Variants in PFDN1 observed in about 807,000 individuals in gnomAD.
PFDN1 encodes the protein prefoldin subunit 1.
PFDN1 carries 6 observed loss-of-function variants against 17.3 expected under a neutral mutation model. That is an observed-to-expected ratio of 0.35 (90% CI 0.19 to 0.69). PFDN1 has a LOEUF of 0.69. Among genes scored for constraint, PFDN1 ranks in the 30% least tolerant of loss-of-function variants. The probability of loss-of-function intolerance (pLI) is 0.65; values close to 1 mark genes in which losing one functional copy is unlikely to be tolerated. For synonymous variants in PFDN1, 58 were observed against 50.1 expected, an observed-to-expected ratio of 1.16 and a Z score of -0.67; for missense variants, 113 against 146.2, an observed-to-expected ratio of 0.77 and a Z score of 1.17.
chr5:140,280,703 T>A (rs186053336), intron 3 of PFDN1, among the ~76,000 whole-genome samples: 1 of 152,326 alleles, frequency 6.6e-6, no homozygotes, highest in East Asian at 1.9e-4. Flanking sequence ...ATGAAGTCAA[T>A]GTATCCACCC....
chr5:140,264,460 G>A (rs1765108612), intron 3 of PFDN1, among the ~76,000 whole-genome samples: 1 of 152,166 alleles, frequency 6.6e-6, no homozygotes, highest in South Asian at 2.1e-4. Context: ...GCAAAGACAA[G>A]CAGTATCTTT....
intron 2 of PFDN1, among the ~76,000 whole-genome samples, chr5:140,294,586 T>A (rs1217914226): frequency 6.6e-6 from 1 of 151,992 alleles, no homozygotes; most frequent in Admixed American, 6.6e-5. Context: ...AGAAATACAA[T>A]CACAACAAAA....
chr5:140,257,587 C>G (rs1765006526), intron 3 of PFDN1, among the ~76,000 whole-genome samples: 1 of 152,186 alleles, frequency 6.6e-6, no homozygotes, highest in Admixed American at 6.5e-5. Flanking sequence ...AAAACATCAC[C>G]CTTACTACAT....
intron 2 of PFDN1, 50 bp downstream of exon 2, chr5:140,300,366 C>T (rs763239286): frequency 5.2e-6 from 7 of 1,351,470 alleles, no homozygotes; most frequent in Non-Finnish European, 6.2e-6. Flanking sequence ...CTATTTAACT[C>T]GGACAAAAGC....
At chr5:140,286,242 C>T (rs369866785) in intron 2 of PFDN1, among the ~76,000 whole-genome samples, 3 of 151,230 alleles carry the variant, frequency 2.0e-5, no homozygotes, top group African/African-American at 4.9e-5. Context: ...GAAACCCCAT[C>T]TCTACTAAAA....
In PFDN1 at chr5:140,245,292, GAC is replaced by G. The variant is rs1458774089; in HGVS notation, c.*680_*681del. 1.9e-5 allele frequency: 11 copies of G among 579,600 alleles called. No individual in the cohort carries two copies. The highest frequency in any genetic ancestry group is 3.4e-5 in the Non-Finnish European group (11 of 324,108). The allele number at this position is 579,600 out of a possible 1,614,324, so 35.9% of individuals were successfully genotyped here. On this transcript the variant is annotated 3_prime_UTR_variant, in exon 4 of 4. Coordinates refer to ENST00000261813, the MANE Select transcript of PFDN1 (RefSeq NM_002622.5). ...CATCTTATGATATTGGCCAAAAGGA[GAC>G]AGTCTTGGAGGTGCTGCTTACTGTT...
intron 2 of PFDN1, among the ~76,000 whole-genome samples, chr5:140,284,852 C>T (rs1765460903): frequency 6.6e-6 from 1 of 152,188 alleles, no homozygotes; most frequent in Non-Finnish European, 1.5e-5. Flanking sequence ...GGACTTGTAA[C>T]CTGCTATTTC....
intron 3 of PFDN1, among the ~76,000 whole-genome samples, chr5:140,250,445 C>T (rs74925170): frequency 0.011 from 1,715 of 150,748 alleles, 49 homozygotes; most frequent in African/African-American, 0.039. Flanking sequence ...ACCTTATCTG[C>T]GAGGCCTTCT....
chr5:140,293,902 ATGT>A (rs1306016943), intron 2 of PFDN1, among the ~76,000 whole-genome samples: 2 of 152,058 alleles, frequency 1.3e-5, no homozygotes, highest in Non-Finnish European at 2.9e-5. Context: ...ACAGGAAAAG[ATGT>A]TGTTGTTTTC....
intron 3 of PFDN1, among the ~76,000 whole-genome samples, chr5:140,261,503 A>T (rs1488782085): frequency 2.0e-5 from 3 of 152,206 alleles, no homozygotes; most frequent in Non-Finnish European, 4.4e-5. Context: ...AGATACGGCA[A>T]CCGGAAACCC....
intron 2 of PFDN1, among the ~76,000 whole-genome samples, chr5:140,293,859 G>A (rs959038142): frequency 3.9e-5 from 6 of 151,970 alleles, no homozygotes; most frequent in African/African-American, 1.4e-4. Context: ...CATATTCAGC[G>A]TCAACAAAAC....
intron 3 of PFDN1, among the ~76,000 whole-genome samples, chr5:140,248,768 C>T (rs1486873300): frequency 6.6e-6 from 1 of 152,220 alleles, no homozygotes; most frequent in East Asian, 1.9e-4. Flanking sequence ...CTTTCTAACA[C>T]TTTGATGAAT....
At chr5:140,294,214 TAAATA>T (rs1315604680) in intron 2 of PFDN1, among the ~76,000 whole-genome samples, 2 of 152,074 alleles carry the variant, frequency 1.3e-5, no homozygotes, top group Non-Finnish European at 2.9e-5. Context: ...TAGTATGCAC[TAAATA>T]AAATATCCAA....
chr5:140,264,054 A>AAAAAAAT (rs1765103375), intron 3 of PFDN1, among the ~76,000 whole-genome samples: 1 of 124,022 alleles, frequency 8.1e-6, no homozygotes, highest in Non-Finnish European at 1.7e-5. Context: ...AAAAAAAAAA[A>AAAAAAAT]AAAAATCACG....
intron 2 of PFDN1, among the ~76,000 whole-genome samples, chr5:140,296,837 A>G (rs776038659): frequency 6.6e-6 from 1 of 152,242 alleles, no homozygotes; most frequent in Non-Finnish European, 1.5e-5. Context: ...AGGTAGGTCC[A>G]TGAGATGAAA....
chr5:140,246,744 CAA>C (rs1169507741), intron 3 of PFDN1, among the ~76,000 whole-genome samples: 4 of 152,180 alleles, frequency 2.6e-5, no homozygotes, highest in Admixed American at 2.6e-4. Flanking sequence ...GCCAAGATTT[CAA>C]AGATTAGTCA....
chr5:140,247,827 G>A (rs1188231854), intron 3 of PFDN1, among the ~76,000 whole-genome samples: 1 of 151,932 alleles, frequency 6.6e-6, no homozygotes. Flanking sequence ...GCTACTTAGG[G>A]GCTGAGGCAG....
At chr5:140,287,234 G>T (rs987923904) in intron 2 of PFDN1, among the ~76,000 whole-genome samples, 1 of 152,222 alleles carries the variant, frequency 6.6e-6, no homozygotes, top group African/African-American at 2.4e-5. Flanking sequence ...TTTCTCATAT[G>T]AGAGAGAAGT....
intron 3 of PFDN1, among the ~76,000 whole-genome samples, chr5:140,274,309 A>G (rs978153789): frequency 2.6e-5 from 4 of 152,262 alleles, no homozygotes; most frequent in Non-Finnish European, 5.9e-5. Flanking sequence ...CAAATGAGAC[A>G]TGTCATAATT....
Sources: allele counts gnomAD v4.1 joint callset (sites outside exome capture counted in the v4.1 genomes callset), GRCh38; gene constraint gnomAD v4.1.1; transcripts MANE v1.5; gene names NCBI Gene and HGNC (gene_info 2026-07-23, HGNC 2026-07-21).